DNAH17: variants seen among roughly 807,000 people sequenced by gnomAD.
The protein encoded by DNAH17 is dynein axonemal heavy chain 17.
In DNAH17, 376 loss-of-function variants were observed where a neutral mutation model predicts 485.6. The ratio of observed to expected loss-of-function variants is 0.77; its 90% CI spans 0.71 to 0.84. The LOEUF (loss-of-function observed/expected upper bound fraction) is 0.84. Among genes scored for constraint, DNAH17 ranks in the 40% least tolerant of loss-of-function variants. The probability of loss-of-function intolerance (pLI) is 0.00; values close to 1 mark genes in which losing one functional copy is unlikely to be tolerated. For missense variants in DNAH17, 6,370 were observed against 5,839.3 expected (o/e 1.09, Z -2.96); for synonymous variants, 3,031 against 2,405.9 (o/e 1.26, Z -7.60).
chr17:78,441,325 C>A (rs2087067981), intron 71 of DNAH17, 126 bp from the exon 72 acceptor site: 3 of 1,057,502 alleles, frequency 2.8e-6, no homozygotes, highest in Non-Finnish European at 4.0e-6. Context: ...GGGACAAGGC[C>A]TGTGGCAGGA....
Position 78,564,298 on chromosome 17 carries a change from A to G in DNAH17, c.1569+2316T>C, listed in dbSNP as rs142691183. ...TGCCAAACTAGATGCAGGTGGCACAATCTCCATGTTGGGGACAGCAAGACT... is the reference window on the plus strand; with the variant it reads ...TGCCAAACTAGATGCAGGTGGCACAGTCTCCATGTTGGGGACAGCAAGACT... On this transcript the variant is annotated intron_variant, in intron 11 of 80. Transcript: ENST00000389840. Among the ~76,000 whole-genome samples the G allele has an allele frequency of 6.9e-3, 1,054 of 152,176 alleles. 12 individuals carry two copies. The highest frequency in any genetic ancestry group is 0.024 in the African/African-American group (1,003 of 41,512).
chr17:78,469,125 C>T (rs908625625), intron 54 of DNAH17, among the ~76,000 whole-genome samples: 11 of 151,680 alleles, frequency 7.3e-5, no homozygotes, highest in Non-Finnish European at 1.0e-4. Flanking sequence ...CGCCATGGGG[C>T]CAACTTTCTT....
At chr17:78,473,781 C>G (rs2146588328) in intron 54 of DNAH17, among the ~76,000 whole-genome samples, 1 of 152,214 alleles carries the variant, frequency 6.6e-6, no homozygotes, top group South Asian at 2.1e-4. Flanking sequence ...TGAACGTAAA[C>G]CAACGTGATT....
At chr17:78,485,175 G>A (rs2089543079) in intron 47 of DNAH17, 142 bp from the exon 48 acceptor site, 2 of 1,142,042 alleles carry the variant, frequency 1.8e-6, no homozygotes, top group African/African-American at 3.1e-5. Flanking sequence ...ACCTGCCCTG[G>A]GAGTGGCCCT....
Position 78,525,095 on chromosome 17 carries a change from C to G in DNAH17, c.3778G>C (p.Glu1260Gln), listed in dbSNP as rs779054042. 1.2e-6 allele frequency: 2 copies of G among 1,613,684 alleles called. No homozygotes were observed. The highest frequency in any genetic ancestry group is 1.3e-5 in the African/African-American group (1 of 74,946). Reference sequence around the variant, plus strand: ...TGCTTGTAGTCTGGGACGGGGACCTCGAACAGGCCCCCGGACTTGGACAGC... The same window carrying G: ...TGCTTGTAGTCTGGGACGGGGACCTGGAACAGGCCCCCGGACTTGGACAGC... ...EALSKSGGLFEVPVPDYKQLK... is the reference protein window; with the variant it reads ...EALSKSGGLFQVPVPDYKQLK... Residue 1260 changes from glutamate (E) to glutamine (Q), a missense_variant, in exon 25 of 81, where the codon GAG becomes CAG. Transcript: ENST00000389840.
chr17:78,426,791 A>T, intron 78 of DNAH17, 135 bp downstream of exon 78: 1 of 1,294,668 alleles, frequency 7.7e-7, no homozygotes, highest in Non-Finnish European at 1.1e-6. Context: ...TTGTTCTGGA[A>T]CTGCCAGAGC....
chr17:78,520,945 T>C (rs1382813869), intron 25 of DNAH17, among the ~76,000 whole-genome samples: 1 of 151,820 alleles, frequency 6.6e-6, no homozygotes, highest in Non-Finnish European at 1.5e-5. Flanking sequence ...AAGGATAAAG[T>C]GGGAGGAATC....
At chr17:78,524,154 T>C (rs932120831) in intron 25 of DNAH17, among the ~76,000 whole-genome samples, 7 of 152,282 alleles carry the variant, frequency 4.6e-5, no homozygotes, top group Admixed American at 3.9e-4. Context: ...TGTTTATTTT[T>C]TGAGATGGAG....
chr17:78,435,402 C>T (rs2086823740), intron 74 of DNAH17, among the ~76,000 whole-genome samples: 2 of 152,134 alleles, frequency 1.3e-5, no homozygotes, highest in South Asian at 4.1e-4. Context: ...GGCCCACAGC[C>T]CCTCCGAGGC....
chr17:78,561,689 T>G, intron 12 of DNAH17, 26 bp downstream of exon 12: 2 of 1,577,114 alleles, frequency 1.3e-6, no homozygotes, highest in Non-Finnish European at 1.7e-6. Context: ...GCGGGGTGCC[T>G]GCCCCTGCCC....
intron 56 of DNAH17, among the ~76,000 whole-genome samples, chr17:78,465,658 C>T (rs1352188211): frequency 4.0e-5 from 6 of 150,746 alleles, no homozygotes; most frequent in South Asian, 2.1e-4. Context: ...TCTGCCTGGC[C>T]GCCCCGTCTG....
chr17:78,475,605 T>C (rs916707870), intron 53 of DNAH17, 64 bp downstream of exon 53: 4 of 1,604,018 alleles, frequency 2.5e-6, no homozygotes, highest in African/African-American at 1.3e-5. Flanking sequence ...ATGTCGATAA[T>C]GCAACCGGAG....
At chr17:78,517,643 G>C (rs1485273339) in intron 25 of DNAH17, among the ~76,000 whole-genome samples, 2 of 152,132 alleles carry the variant, frequency 1.3e-5, no homozygotes, top group African/African-American at 2.4e-5. Flanking sequence ...TCTTCTCCCT[G>C]AATATCACCC....
At chr17:78,509,278 TTTTAAA>T (rs971271158) in intron 27 of DNAH17, among the ~76,000 whole-genome samples, 1 of 151,786 alleles carries the variant, frequency 6.6e-6, no homozygotes, top group Non-Finnish European at 1.5e-5. Context: ...CCGCTAATTT[TTTTAAA>T]TTTATTTATT....
At position 78,510,513 on chromosome 17, in the gene DNAH17, G is replaced by A. The variant is rs1568177978; in HGVS notation, c.4114-7C>T. ...CTGACATTTTAAATTTCACCTAAGGGAAAAAAATCCAGGCAGGATTCATTT... is the reference window on the plus strand; with the variant it reads ...CTGACATTTTAAATTTCACCTAAGGAAAAAAAATCCAGGCAGGATTCATTT... On this transcript the variant is annotated splice_region_variant and splice_polypyrimidine_tract_variant and intron_variant, in intron 26 of 80. Coordinates refer to ENST00000389840, the MANE Select transcript of DNAH17 (RefSeq NM_173628.4). 1.2e-6 allele frequency: 2 copies of A among 1,612,552 alleles called. No individual in the cohort carries two copies. The highest frequency in any genetic ancestry group is 1.7e-5 in the Admixed American group (1 of 59,880).
intron 11 of DNAH17, among the ~76,000 whole-genome samples, chr17:78,564,069 C>T (rs1412787555): frequency 6.6e-6 from 1 of 152,108 alleles, no homozygotes; most frequent in African/African-American, 2.4e-5. Context: ...TGCATTTGTT[C>T]CTCGCTAGCT....
rs77180602 is a variant in DNAH17, at chr17:78,532,540, G to A, written c.3056C>T (p.Thr1019Ile). 13 of 1,611,286 alleles carry A rather than the reference G, an allele frequency of 8.1e-6. No individual in the cohort carries two copies. The highest frequency in any genetic ancestry group is 9.3e-6 in the Non-Finnish European group (11 of 1,179,014). The change falls in exon 20 of 81, where the codon ACC (threonine) becomes ATC (isoleucine). Residue 1019 changes from threonine (T) to isoleucine (I), a missense_variant. By Grantham distance (89) the Thr-to-Ile change is moderately conservative. Coordinates refer to ENST00000389840, the MANE Select transcript of DNAH17 (RefSeq NM_173628.4). ...GCAVTAEDLD[T>I]WTDDTIPKTP... ...CTTGGGGATGGTGTCATCTGTCCAG[G>A]TGTCCAAGTCCTCCGCAGTGACTGC...
chr17:78,495,269 C>G (rs577564797), intron 38 of DNAH17, among the ~76,000 whole-genome samples, 172 bp from the exon 39 acceptor site: 196 of 152,250 alleles, frequency 1.3e-3, no homozygotes, highest in Non-Finnish European at 2.2e-3. Flanking sequence ...CCCTACTTCC[C>G]TCCTCCTCCC....
At chr17:78,434,934 C>T (rs72907478) in intron 74 of DNAH17, among the ~76,000 whole-genome samples, 22,118 of 152,200 alleles carry the variant, frequency 0.15, 1,718 homozygotes, top group Middle Eastern at 0.19. Flanking sequence ...CCGAGGATCC[C>T]GCTGGGGAGG....
Sources: allele counts gnomAD v4.1 joint callset (sites outside exome capture counted in the v4.1 genomes callset), GRCh38; gene constraint gnomAD v4.1.1; transcripts MANE v1.5; gene names NCBI Gene and HGNC (gene_info 2026-07-23, HGNC 2026-07-21).